Variants in GAN observed in about 807,000 individuals in gnomAD.
GAN encodes the protein epididymis secretory sperm binding protein.
GAN carries 48 observed loss-of-function variants against 71.3 expected under a neutral mutation model. That is an observed-to-expected ratio of 0.67 (90% CI 0.53 to 0.86). GAN has a LOEUF of 0.86. Among genes scored for constraint, GAN ranks in the 40% least tolerant of loss-of-function variants. The probability of loss-of-function intolerance (pLI) is 0.00; values close to 1 mark genes in which losing one functional copy is unlikely to be tolerated. For synonymous variants in GAN, 386 were observed against 276.8 expected (o/e 1.39, Z -3.92); for missense variants, 928 against 770.1 (o/e 1.21, Z -2.43).
intron 6 of GAN, 108 bp downstream of exon 6, chr16:81,362,719 C>G (rs562496140): frequency 6.7e-6 from 5 of 741,378 alleles, no homozygotes; most frequent in African/African-American, 5.2e-5. Flanking sequence ...TGTCAAGCCA[C>G]CTGCCTCATT....
chr16:81,336,129 C>T (rs1467009057), intron 1 of GAN, among the ~76,000 whole-genome samples: 3 of 152,208 alleles, frequency 2.0e-5, no homozygotes, highest in Non-Finnish European at 4.4e-5. Flanking sequence ...TGGTGTTAGC[C>T]TGTGTAGCTC....
chr16:81,325,273 CG>C (rs1485853660), intron 1 of GAN, among the ~76,000 whole-genome samples: 1 of 152,084 alleles, frequency 6.6e-6, no homozygotes, highest in Non-Finnish European at 1.5e-5. Context: ...GTAGGAATTG[CG>C]AGGGGAAGAA....
At chr16:81,326,403 C>T (rs1033681170) in intron 1 of GAN, among the ~76,000 whole-genome samples, 10 of 151,430 alleles carry the variant, frequency 6.6e-5, no homozygotes, top group Non-Finnish European at 1.5e-4. Context: ...TGTGGTGGCA[C>T]ATGCCTGTAA....
chr16:81,351,590 T>G lies in GAN; in HGVS notation c.175T>G (p.Leu59Val). Residue 59 changes from leucine (L) to valine (V), a missense_variant, in exon 2 of 11, where the codon TTA (leucine) becomes GTA (valine). Transcript: ENST00000648994. Reference sequence around the variant, plus strand: ...TTTTTTTCCCTTTCTTAGGACAAAGTTAAACTATAATCCTCCAAAAGATGA... The same window carrying G: ...TTTTTTTCCCTTTCTTAGGACAAAGGTAAACTATAATCCTCCAAAAGATGA... ...AAASPYIRTK[L>V]NYNPPKDDGS... The G allele has an allele frequency of 7.1e-7, 1 of 1,400,924 alleles. No individual in the cohort carries two copies. The highest frequency in any genetic ancestry group is 1.0e-6 in the Non-Finnish European group (1 of 985,326). The allele number at this position is 1,400,924 out of a possible 1,614,324, so 86.8% of individuals were successfully genotyped here.
At chr16:81,319,223 T>TATATATATATATA (rs1386404348) in intron 1 of GAN, among the ~76,000 whole-genome samples, 1 of 148,552 alleles carries the variant, frequency 6.7e-6, no homozygotes, top group Non-Finnish European at 1.5e-5. Context: ...TATATATATA[T>TATATATATATATA]ATCTAACAAC....
At chr16:81,344,761 TCTAATTAAAGAA>T (rs1910060605) in intron 1 of GAN, among the ~76,000 whole-genome samples, 1 of 151,928 alleles carries the variant, frequency 6.6e-6, no homozygotes, top group South Asian at 2.1e-4. Flanking sequence ...ACAAATGGGA[TCTAATTAAAGAA>T]CTTCTGCACA....
chr16:81,354,574 A>G lies in GAN; in HGVS notation c.452A>G (p.Tyr151Cys), dbSNP rs1335992243. The stretch of plus-strand genomic sequence containing the variant: ...CATTACTGCCTCCATCACGTTCATT[A>G]CCTTGCCACAGAATACCTGGAGACT... ...ALHYCLHHVH[Y>C]LATEYLETHF... Residue 151 changes from tyrosine (Y) to cysteine (C), a missense_variant, in exon 3 of 11, where the codon TAC becomes TGC. Tyr to Cys is a radical substitution (Grantham distance 194). Coordinates refer to ENST00000648994, the MANE Select transcript of GAN (RefSeq NM_022041.4). 1 of 1,614,182 alleles carries G rather than the reference A, an allele frequency of 6.2e-7. No homozygotes were observed. The highest frequency in any genetic ancestry group is 1.7e-5 in the Admixed American group (1 of 60,032).
In GAN at chr16:81,387,186, G is replaced by T. The variant is rs551383366; in HGVS notation, c.*9590G>T. ...TTAGATCTGCAATACTCTTCATAGT[G>T]TAATGGCTAAATGTAAAGTCTTACG... On this transcript the variant is annotated 3_prime_UTR_variant, in exon 11 of 11. Transcript: ENST00000648994. The T allele has an allele frequency of 1.5e-4, 23 of 152,188 alleles. No homozygotes were observed. Among genetic ancestry groups the T allele is most frequent in the Non-Finnish European group, 2.2e-4 (15 of 68,040 alleles). 9.4% of individuals were successfully genotyped at this position (152,188 alleles called of 1,614,324 possible). A position where few individuals can be genotyped will look rare whatever the true frequency, so the allele number is the denominator to read the frequency against.
Position 81,387,054 on chromosome 16 carries a change from T to C in GAN, c.*9458T>C, listed in dbSNP as rs79355855. The C allele has an allele frequency of 6.6e-6, 1 of 152,318 alleles. No homozygotes were observed. Among genetic ancestry groups the C allele is most frequent in the East Asian group, 1.9e-4 (1 of 5,186 alleles). The allele number at this position is 152,318 out of a possible 1,614,324, so 9.4% of individuals were successfully genotyped here. A position where few individuals can be genotyped will look rare whatever the true frequency, so the allele number is the denominator to read the frequency against. On this transcript the variant is annotated 3_prime_UTR_variant, in exon 11 of 11. Coordinates refer to ENST00000648994, the MANE Select transcript of GAN (RefSeq NM_022041.4). ...TGGCAAGAACGGATCTTTGGCAAGA[T>C]CACTTAAGGTGAGCTACTCTAGCAG... is the stretch of plus-strand genomic sequence containing the variant.
intron 9 of GAN, among the ~76,000 whole-genome samples, chr16:81,365,832 T>C (rs1910838775): frequency 6.6e-6 from 1 of 152,064 alleles, no homozygotes; most frequent in Non-Finnish European, 1.5e-5. Context: ...GAAGATTGCT[T>C]GAGCCCAGGA....
intron 1 of GAN, among the ~76,000 whole-genome samples, chr16:81,337,075 T>G (rs996959397): frequency 6.6e-6 from 1 of 152,076 alleles, no homozygotes; most frequent in African/African-American, 2.4e-5. Context: ...GCCCTAAAAA[T>G]CCTCTTCCCT....
intron 5 of GAN, among the ~76,000 whole-genome samples, chr16:81,361,295 G>C (rs1910665340): frequency 6.6e-6 from 1 of 152,188 alleles, no homozygotes; most frequent in Non-Finnish European, 1.5e-5. Context: ...TGGGATGTTA[G>C]AATCTAAGGC....
At chr16:81,366,402 C>G (rs927210514) in intron 9 of GAN, among the ~76,000 whole-genome samples, 2 of 152,206 alleles carry the variant, frequency 1.3e-5, no homozygotes, top group Non-Finnish European at 2.9e-5. Flanking sequence ...TGTCTTCTCT[C>G]TTTCCTCACA....
At chr16:81,357,150 C>T in intron 4 of GAN, 148 bp downstream of exon 4, 1 of 684,616 alleles carries the variant, frequency 1.5e-6, no homozygotes, top group Non-Finnish European at 2.7e-6. Flanking sequence ...TACATGTGCA[C>T]AATGTGCAGG....
chr16:81,339,710 C>T lies in GAN; in HGVS notation c.168-11873C>T, dbSNP rs543583883. 5.3e-5 allele frequency among the ~76,000 whole-genome samples: 8 copies of T among 152,140 alleles called. No individual in the cohort carries two copies. The East Asian group carries it at 7.7e-4, about 15-fold the overall frequency. On this transcript the variant is annotated intron_variant, in intron 1 of 10. Coordinates refer to ENST00000648994, the MANE Select transcript of GAN (RefSeq NM_022041.4). Reference sequence around the variant, plus strand: ...ATTTTTACCTACAAAGAGGTAAGGGCGGAGGTGCAGCTTGTGGCAGGATGG... The same window carrying T: ...ATTTTTACCTACAAAGAGGTAAGGGTGGAGGTGCAGCTTGTGGCAGGATGG...
intron 1 of GAN, among the ~76,000 whole-genome samples, chr16:81,335,762 A>AAG (rs1246218395): frequency 6.6e-6 from 1 of 151,922 alleles, no homozygotes; most frequent in East Asian, 1.9e-4. Flanking sequence ...AAAAAAAAAA[A>AAG]AAAATCCATT....
At chr16:81,333,617 C>G (rs1336248230) in intron 1 of GAN, among the ~76,000 whole-genome samples, 3 of 152,156 alleles carry the variant, frequency 2.0e-5, no homozygotes, top group Non-Finnish European at 4.4e-5. Flanking sequence ...AGAAATGATT[C>G]ATAGCAATTC....
intron 6 of GAN, 120 bp downstream of exon 6, chr16:81,362,731 G>A (rs532982413): frequency 1.8e-4 from 127 of 718,582 alleles, no homozygotes; most frequent in South Asian, 9.3e-4. Context: ...TGCCTCATTC[G>A]CTCCAACCTC....
intron 9 of GAN, among the ~76,000 whole-genome samples, chr16:81,375,265 G>A (rs1449590974): frequency 7.1e-6 from 1 of 140,146 alleles, no homozygotes; most frequent in Non-Finnish European, 1.5e-5. Flanking sequence ...TGAATAAGAA[G>A]AAGACAGTAA....
Sources: allele counts gnomAD v4.1 joint callset (sites outside exome capture counted in the v4.1 genomes callset), GRCh38; gene constraint gnomAD v4.1.1; transcripts MANE v1.5; gene names NCBI Gene and HGNC (gene_info 2026-07-23, HGNC 2026-07-21).